The following CSNK2A1 variants were observed in gnomAD, a reference collection of about 807,000 sequenced individuals.
CSNK2A1 encodes the protein casein kinase 2 alpha 1.
CSNK2A1 carries 10 observed loss-of-function variants against 62.9 expected under a neutral mutation model. That is an observed-to-expected ratio of 0.16 (90% CI 0.10 to 0.27). The LOEUF (loss-of-function observed/expected upper bound fraction) is 0.27, where lower values mean the gene tolerates loss of function less well. CSNK2A1 is among the 10% of genes least tolerant of loss of function. The probability of loss-of-function intolerance (pLI) is 1.00; values close to 1 mark genes in which losing one functional copy is unlikely to be tolerated. For missense variants in CSNK2A1, 160 were observed against 492.0 expected, an observed-to-expected ratio of 0.33 and a Z score of 6.38; for synonymous variants, 124 against 167.8, an observed-to-expected ratio of 0.74 and a Z score of 2.02.
Position 472,630 on chromosome 20 carries a change from T to C in CSNK2A1, c.*11331A>G, listed in dbSNP as rs1568480504. ...AAAGGCTTGGAGCAAACACAATTTGTGGGCAATAAACATTGTCAACATCCC... is the reference window on the plus strand; with the variant it reads ...AAAGGCTTGGAGCAAACACAATTTGCGGGCAATAAACATTGTCAACATCCC... On this transcript the variant is annotated 3_prime_UTR_variant, in exon 14 of 14. Coordinates refer to ENST00000217244, the MANE Select transcript of CSNK2A1 (RefSeq NM_177559.3). 6.6e-6 allele frequency: 1 copy of C among 152,254 alleles called. No homozygotes were observed. The highest frequency in any genetic ancestry group is 1.9e-4 in the East Asian group (1 of 5,200). 9.4% of individuals were successfully genotyped at this position (152,254 alleles called of 1,614,324 possible).
intron 11 of CSNK2A1, chr20:488,444 G>T: frequency 2.4e-6 from 1 of 413,606 alleles, no homozygotes; most frequent in Non-Finnish European, 4.3e-6. Flanking sequence ...TCATTTTGTA[G>T]GAATCCTCTA....
chr20:522,284 G>C (rs1271680176), intron 2 of CSNK2A1, among the ~76,000 whole-genome samples: 1 of 152,196 alleles, frequency 6.6e-6, no homozygotes, highest in African/African-American at 2.4e-5. Flanking sequence ...GGGAGAAATA[G>C]CAACTCTACA....
intron 12 of CSNK2A1, 191 bp from the exon 13 acceptor site, chr20:486,653 AT>A (rs749280173): frequency 2.0e-5 from 11 of 540,164 alleles, no homozygotes; most frequent in Non-Finnish European, 3.6e-5. Flanking sequence ...TAGCTTTCCT[AT>A]CAAACTGTGG....
intron 2 of CSNK2A1, among the ~76,000 whole-genome samples, chr20:523,858 CAAAAAAA>C (rs11401840): frequency 0.078 from 3,546 of 45,514 alleles, 69 homozygotes; most frequent in Middle Eastern, 0.14. Flanking sequence ...GACTCCATCT[CAAAAAAA>C]AAAAAAAAAA....
At chr20:514,010 C>G (rs17691425) in intron 2 of CSNK2A1, among the ~76,000 whole-genome samples, 11,097 of 152,140 alleles carry the variant, frequency 0.073, 447 homozygotes, top group South Asian at 0.13. Context: ...ACTCTGTAAT[C>G]TCAGATAGAT....
intron 2 of CSNK2A1, among the ~76,000 whole-genome samples, chr20:517,581 C>T (rs984417258): frequency 3.3e-5 from 5 of 151,666 alleles, no homozygotes; most frequent in South Asian, 2.1e-4. Flanking sequence ...TATGGAGTAC[C>T]TAAAATGGGG....
At chr20:511,703 TACACACAC>T (rs61288887) in intron 2 of CSNK2A1, among the ~76,000 whole-genome samples, 5 of 150,918 alleles carry the variant, frequency 3.3e-5, no homozygotes, top group East Asian at 2.0e-4. Flanking sequence ...TGTATATATA[TACACACAC>T]ACACACACAC....
rs1404886203 is a variant in CSNK2A1, at chr20:488,596, TA to T, written c.824+81del. On this transcript the variant is annotated intron_variant, in intron 11 of 13. Coordinates refer to ENST00000217244, the MANE Select transcript of CSNK2A1 (RefSeq NM_177559.3). ...CCTGACAGTGCTGGCAAAGAAAACATAACTATTTTGAAGATCCTAAGTGCCA... is the reference window on the plus strand; with the variant it reads ...CCTGACAGTGCTGGCAAAGAAAACATACTATTTTGAAGATCCTAAGTGCCA... 17 of 1,380,420 alleles carry T rather than the reference TA, an allele frequency of 1.2e-5. No individual in the cohort carries two copies. In the South Asian group the frequency reaches 1.7e-4, roughly 14 times the overall value. 85.5% of individuals were successfully genotyped at this position (1,380,420 alleles called of 1,614,324 possible).
At chr20:525,715 G>GT (rs1568556926) in intron 2 of CSNK2A1, among the ~76,000 whole-genome samples, 1 of 149,818 alleles carries the variant, frequency 6.7e-6, no homozygotes, top group African/African-American at 2.4e-5. Context: ...GCTAATGCCT[G>GT]TAATCCCAAC....
chr20:525,836 T>TAAAA (rs397864425), intron 2 of CSNK2A1, among the ~76,000 whole-genome samples: 4 of 71,042 alleles, frequency 5.6e-5, no homozygotes, highest in Admixed American at 1.7e-4. Flanking sequence ...TTAAAACTAT[T>TAAAA]AAAAAAAAAA....
Position 536,229 on chromosome 20 carries a change from C to T in CSNK2A1, c.-227+7443G>A, listed in dbSNP as rs562218094. Among the ~76,000 whole-genome samples, 53 of 151,916 alleles carry T rather than the reference C, an allele frequency of 3.5e-4. 1 individual carries two copies. In the South Asian group the frequency reaches 0.01, roughly 29 times the overall value. ...AAACAAGGAAGTACAGGTCAAAAGT[C>T]TCATTAAAAAAATAAGAACTCTTGG... On this transcript the variant is annotated intron_variant, in intron 1 of 13. Coordinates refer to ENST00000217244, the MANE Select transcript of CSNK2A1 (RefSeq NM_177559.3).
At position 478,521 on chromosome 20, in the gene CSNK2A1, C is replaced by G. The variant is rs1211011029; in HGVS notation, c.*5440G>C. On this transcript the variant is annotated 3_prime_UTR_variant, in exon 14 of 14. Transcript: ENST00000217244. The stretch of plus-strand genomic sequence containing the variant: ...CAAAGCAGATGATGCAAGAGTGAAG[C>G]TGACTCAGAAATACTCAATCCCCCC... 1 of 240,222 alleles carries G rather than the reference C, an allele frequency of 4.2e-6. No homozygotes were observed. The highest frequency in any genetic ancestry group is 2.4e-5 in the African/African-American group (1 of 41,942). 14.9% of individuals were successfully genotyped at this position (240,222 alleles called of 1,614,324 possible). A position where few individuals can be genotyped will look rare whatever the true frequency, so the allele number is the denominator to read the frequency against.
chr20:488,040 CTT>C (rs530136543), intron 11 of CSNK2A1: 566 of 142,820 alleles, frequency 4.0e-3, no homozygotes, highest in South Asian at 7.7e-3. Context: ...TGCATATAGC[CTT>C]TTTTTTTTTT....
chr20:523,601 C>T (rs1224808164), intron 2 of CSNK2A1, among the ~76,000 whole-genome samples: 4 of 152,052 alleles, frequency 2.6e-5, no homozygotes, highest in African/African-American at 9.7e-5. Context: ...AAAGATAAAA[C>T]TGTAGTGAGG....
chr20:472,643 T>C lies in CSNK2A1; in HGVS notation c.*11318A>G, dbSNP rs962381422. 2 of 152,216 alleles carry C rather than the reference T, an allele frequency of 1.3e-5. No individual in the cohort carries two copies. Among genetic ancestry groups the C allele is most frequent in the Non-Finnish European group, 2.9e-5 (2 of 68,048 alleles). The allele number at this position is 152,216 out of a possible 1,614,324, so 9.4% of individuals were successfully genotyped here. A position where few individuals can be genotyped will look rare whatever the true frequency, so the allele number is the denominator to read the frequency against. ...AAACACAATTTGTGGGCAATAAACATTGTCAACATCCCAAGTAGACAGCAG... is the reference window on the plus strand; with the variant it reads ...AAACACAATTTGTGGGCAATAAACACTGTCAACATCCCAAGTAGACAGCAG... On this transcript the variant is annotated 3_prime_UTR_variant, in exon 14 of 14. Transcript: ENST00000217244.
chr20:506,690 A>G (rs948839450), intron 3 of CSNK2A1: 4 of 152,318 alleles, frequency 2.6e-5, no homozygotes, highest in African/African-American at 9.6e-5. Flanking sequence ...AAGTAGCTAA[A>G]AAGAAAGTGA....
chr20:486,562 A>G, intron 12 of CSNK2A1, 100 bp from the exon 13 acceptor site: 1 of 1,273,494 alleles, frequency 7.9e-7, no homozygotes. Context: ...TGCAATTTAT[A>G]TATACTCTAC....
chr20:510,505 C>T (rs1247953513), intron 2 of CSNK2A1, among the ~76,000 whole-genome samples: 3 of 152,038 alleles, frequency 2.0e-5, no homozygotes, highest in South Asian at 4.1e-4. Flanking sequence ...AGAAATTTTC[C>T]TGAAGTAATT....
At chr20:502,642 T>C (rs2018495048) in intron 4 of CSNK2A1, 1 of 152,208 alleles carries the variant, frequency 6.6e-6, no homozygotes, top group African/African-American at 2.4e-5. Context: ...TTAGAAAGAC[T>C]GAGCTGAAAA....
Sources: allele counts gnomAD v4.1 joint callset (sites outside exome capture counted in the v4.1 genomes callset), GRCh38; gene constraint gnomAD v4.1.1; transcripts MANE v1.5; gene names NCBI Gene and HGNC (gene_info 2026-07-23, HGNC 2026-07-21).